The following CTNNA2 variants were observed in gnomAD, a reference collection of about 807,000 sequenced individuals.
The protein encoded by CTNNA2 is catenin alpha 2.
CTNNA2 carries 42 observed loss-of-function variants against 101.0 expected under a neutral mutation model. The ratio of observed to expected loss-of-function variants is 0.42; its 90% CI spans 0.32 to 0.54. CTNNA2 has a LOEUF of 0.54. CTNNA2 is among the 20% of genes least tolerant of loss of function. The probability of loss-of-function intolerance (pLI) is 0.14; values close to 1 mark genes in which losing one functional copy is unlikely to be tolerated. For synonymous variants in CTNNA2, 450 were observed against 456.4 expected (o/e 0.99, Z 0.18); for missense variants, 871 against 1,223.1 (o/e 0.71, Z 4.29).
intron 7 of CTNNA2, among the ~76,000 whole-genome samples, chr2:80,234,594 C>T (rs1409242233): frequency 1.3e-5 from 2 of 152,152 alleles, no homozygotes; most frequent in East Asian, 3.9e-4. Context: ...TAAAGTCTTA[C>T]AGAAGAGATT....
chr2:79,848,838 A>G (rs1259821226), intron 3 of CTNNA2, among the ~76,000 whole-genome samples: 1 of 152,196 alleles, frequency 6.6e-6, no homozygotes, highest in African/African-American at 2.4e-5. Context: ...TCACAGAACC[A>G]TGTGGCTATA....
chr2:79,615,248 A>G, intron 1 of CTNNA2, among the ~76,000 whole-genome samples: 1 of 152,170 alleles, frequency 6.6e-6, no homozygotes, highest in Non-Finnish European at 1.5e-5. Context: ...CAAATTTGGT[A>G]TAATTTATTT....
upstream of CTNNA2, among the ~76,000 whole-genome samples, chr2:79,512,630 G>A (rs1332463695): frequency 6.7e-6 from 1 of 149,560 alleles, no homozygotes; most frequent in African/African-American, 2.5e-5. Context: ...CGACTCCGGC[G>A]ATTCAGCTCC....
chr2:79,454,329 T>G (rs2104529533), intron 4 of CTNNA2, among the ~76,000 whole-genome samples: 1 of 152,310 alleles, frequency 6.6e-6, no homozygotes, highest in East Asian at 1.9e-4. Context: ...TTGTCAATTG[T>G]ATTACATTTC....
chr2:80,624,495 A>G (rs1277043632), intron 18 of CTNNA2, among the ~76,000 whole-genome samples: 1 of 151,984 alleles, frequency 6.6e-6, no homozygotes, highest in Non-Finnish European at 1.5e-5. Context: ...GGGAGATACT[A>G]GAAAGGAATT....
chr2:79,683,727 T>G (rs72622675), intron 2 of CTNNA2, among the ~76,000 whole-genome samples: 38,576 of 124,722 alleles, frequency 0.31, 5,432 homozygotes, highest in Admixed American at 0.4. Context: ...CACACAATTG[T>G]GAGAGAGTTC....
intron 7 of CTNNA2, among the ~76,000 whole-genome samples, chr2:80,312,774 A>G (rs927201385): frequency 1.3e-5 from 2 of 152,218 alleles, no homozygotes; most frequent in African/African-American, 4.8e-5. Flanking sequence ...TTGTCCTCAC[A>G]GATAAAATGA....
At chr2:79,801,271 C>G (rs766372776) in intron 3 of CTNNA2, among the ~76,000 whole-genome samples, 6 of 152,186 alleles carry the variant, frequency 3.9e-5, no homozygotes, top group Non-Finnish European at 7.3e-5. Flanking sequence ...GCTAGCTCAG[C>G]TGCAGCCAGT....
At chr2:79,509,634 T>A (rs1417541874), upstream of CTNNA2, among the ~76,000 whole-genome samples, 1 of 152,022 alleles carries the variant, frequency 6.6e-6, no homozygotes, top group Admixed American at 6.6e-5. Flanking sequence ...GAACACAGAG[T>A]ATTTTTAGTG....
At chr2:80,028,973 C>A (rs1283501511) in intron 7 of CTNNA2, among the ~76,000 whole-genome samples, 1 of 152,278 alleles carries the variant, frequency 6.6e-6, no homozygotes, top group Middle Eastern at 3.4e-3. Context: ...TTGTAAGCTA[C>A]CAAATTTTAG....
intron 4 of CTNNA2, among the ~76,000 whole-genome samples, chr2:79,388,922 A>G (rs1678136880): frequency 1.3e-5 from 2 of 152,196 alleles, no homozygotes; most frequent in South Asian, 4.1e-4. Context: ...CTGCATTTTA[A>G]TCATAATTTA....
At chr2:79,447,175 A>G (rs1445702970) in intron 4 of CTNNA2, among the ~76,000 whole-genome samples, 3 of 151,968 alleles carry the variant, frequency 2.0e-5, no homozygotes, top group Non-Finnish European at 4.4e-5. Context: ...TACTTTAAGG[A>G]ATTCATTACC....
At position 79,208,251 on chromosome 2, in the gene CTNNA2, G is replaced by T. The variant is rs149029122; in HGVS notation, c.-406+10175G>T. Among the ~76,000 whole-genome samples the T allele has an allele frequency of 4.9e-3, 745 of 152,186 alleles. 5 individuals are homozygous for T. Among genetic ancestry groups the T allele is most frequent in the African/African-American group, 0.017 (720 of 41,508 alleles). On this transcript the variant is annotated intron_variant, in intron 2 of 21. Coordinates refer to the CTNNA2 transcript ENST00000466387. ...TCCTGTGCATTTAGTATTTGCAAGG[G>T]GTAAATAGAATGGCTCTGCAATGGG...
chr2:79,227,745 T>TA (rs1674438382), intron 2 of CTNNA2, among the ~76,000 whole-genome samples: 1 of 152,208 alleles, frequency 6.6e-6, no homozygotes, highest in Non-Finnish European at 1.5e-5. Context: ...CAGTGAGTCA[T>TA]AATCTTTTTT....
At chr2:80,386,884 C>T (rs1198348606) in intron 7 of CTNNA2, among the ~76,000 whole-genome samples, 1 of 150,818 alleles carries the variant, frequency 6.6e-6, no homozygotes, top group African/African-American at 2.5e-5. Context: ...ATATAGTACC[C>T]TGAAACATGG....
At chr2:79,970,855 C>T (rs66791472) in intron 7 of CTNNA2, among the ~76,000 whole-genome samples, 36,825 of 151,912 alleles carry the variant, frequency 0.24, 4,594 homozygotes, top group Admixed American at 0.36. Context: ...AGGAGTGTGG[C>T]GAAATCACTA....
intron 7 of CTNNA2, among the ~76,000 whole-genome samples, chr2:79,993,855 C>A (rs1692353227): frequency 6.6e-6 from 1 of 152,034 alleles, no homozygotes; most frequent in African/African-American, 2.4e-5. Context: ...ACTAAGTAAG[C>A]AAAAGAGGTT....
chr2:80,348,025 G>T (rs756445110), intron 7 of CTNNA2, among the ~76,000 whole-genome samples: 2 of 151,982 alleles, frequency 1.3e-5, no homozygotes, highest in African/African-American at 2.4e-5. Context: ...TCCCCAGGTG[G>T]TTGTAAGGTA....
intron 8 of CTNNA2, among the ~76,000 whole-genome samples, chr2:80,407,713 C>A (rs1409140870): frequency 6.6e-6 from 1 of 152,202 alleles, no homozygotes; most frequent in Non-Finnish European, 1.5e-5. Context: ...TAAATAGCGA[C>A]AGCACCAGTC....
Sources: allele counts gnomAD v4.1 joint callset (sites outside exome capture counted in the v4.1 genomes callset), GRCh38; gene constraint gnomAD v4.1.1; transcripts MANE v1.5; gene names NCBI Gene and HGNC (gene_info 2026-07-23, HGNC 2026-07-21).